Variants in TRAPPC9 observed in about 807,000 individuals in gnomAD.
The protein encoded by TRAPPC9 is trafficking protein particle complex subunit 9.
A neutral mutation model predicts 124.0 loss-of-function variants in TRAPPC9; 83 were observed. The observed-to-expected ratio is 0.67, with a 90% CI of 0.56 to 0.80. The LOEUF (loss-of-function observed/expected upper bound fraction) is 0.80, where lower values mean the gene tolerates loss of function less well. Ranked by LOEUF, TRAPPC9 falls within the 30% of genes least tolerant of loss-of-function variation. The pLI is 0.00. For synonymous variants in TRAPPC9, 638 were observed against 617.5 expected (o/e 1.03, Z -0.49); for missense variants, 1,302 against 1,508.3 (o/e 0.86, Z 2.27).
At chr8:140,017,654 G>C (rs1184323408) in intron 18 of TRAPPC9, among the ~76,000 whole-genome samples, 1 of 152,162 alleles carries the variant, frequency 6.6e-6, no homozygotes, top group African/African-American at 2.4e-5. Context: ...ATCATACAGT[G>C]TAAGTCCTCC....
At chr8:139,770,879 G>C (rs574321791) in intron 21 of TRAPPC9, among the ~76,000 whole-genome samples, 5 of 152,294 alleles carry the variant, frequency 3.3e-5, no homozygotes, top group Admixed American at 6.5e-5. Context: ...TTGAACAAAG[G>C]CTGGCCCTGC....
intron 13 of TRAPPC9, among the ~76,000 whole-genome samples, chr8:140,284,388 T>C (rs1418852549): frequency 1.3e-5 from 2 of 152,224 alleles, no homozygotes; most frequent in East Asian, 3.8e-4. Context: ...TAATATTCTT[T>C]CCCAGGACAT....
intron 19 of TRAPPC9, among the ~76,000 whole-genome samples, chr8:139,919,464 G>A (rs77410718): frequency 0.02 from 3,035 of 152,196 alleles, 107 homozygotes; most frequent in African/African-American, 0.068. Context: ...TCACTGAGCC[G>A]TACACTTCAA....
At chr8:140,412,539 C>A (rs2069742397) in intron 5 of TRAPPC9, among the ~76,000 whole-genome samples, 3 of 152,108 alleles carry the variant, frequency 2.0e-5, no homozygotes, top group Admixed American at 2.0e-4. Context: ...ATGTGAATGA[C>A]CTTGTCCTTA....
At chr8:139,899,571 C>T (rs1024041285) in intron 20 of TRAPPC9, among the ~76,000 whole-genome samples, 13 of 152,122 alleles carry the variant, frequency 8.5e-5, no homozygotes, top group African/African-American at 2.4e-4. Context: ...AGTGGACCCA[C>T]GTAGTTCACA....
At chr8:139,792,554 T>A (rs933064826) in intron 21 of TRAPPC9, among the ~76,000 whole-genome samples, 2 of 152,076 alleles carry the variant, frequency 1.3e-5, no homozygotes, top group South Asian at 2.1e-4. Context: ...CGCCTGGATG[T>A]GGGGCTGATG....
At chr8:140,174,780 T>C (rs2062029579) in intron 17 of TRAPPC9, among the ~76,000 whole-genome samples, 1 of 152,212 alleles carries the variant, frequency 6.6e-6, no homozygotes, top group Admixed American at 6.5e-5. Flanking sequence ...AATAATTCTA[T>C]TGCATTAATC....
chr8:140,260,912 G>A, intron 15 of TRAPPC9, among the ~76,000 whole-genome samples: 1 of 152,284 alleles, frequency 6.6e-6, no homozygotes, highest in South Asian at 2.1e-4. Context: ...TGAAGGTGAA[G>A]GGAGAGAGTA....
intron 15 of TRAPPC9, chr8:140,262,681 T>G (rs1416575052): frequency 6.7e-6 from 1 of 149,930 alleles, no homozygotes; most frequent in Admixed American, 6.7e-5. Context: ...TGCACATGTC[T>G]GCCTCCTACA....
At chr8:139,938,155 T>A (rs1833656323) in intron 19 of TRAPPC9, among the ~76,000 whole-genome samples, 3 of 152,192 alleles carry the variant, frequency 2.0e-5, no homozygotes, top group Admixed American at 2.0e-4. Context: ...CAGCAGCCTC[T>A]CTCCACCCAT....
At chr8:139,972,576 C>G (rs1323435645) in intron 19 of TRAPPC9, among the ~76,000 whole-genome samples, 4 of 152,124 alleles carry the variant, frequency 2.6e-5, no homozygotes, top group Non-Finnish European at 5.9e-5. Flanking sequence ...GGTTCAGACT[C>G]CCCAGACCAC....
intron 9 of TRAPPC9, among the ~76,000 whole-genome samples, chr8:140,350,988 A>T (rs1366113234): frequency 6.6e-6 from 1 of 151,880 alleles, no homozygotes; most frequent in Admixed American, 6.6e-5. Flanking sequence ...TCCAGAGGAG[A>T]TGACGGCAAA....
At chr8:139,882,131 T>C (rs1013474064) in intron 21 of TRAPPC9, among the ~76,000 whole-genome samples, 1 of 152,254 alleles carries the variant, frequency 6.6e-6, no homozygotes, top group African/African-American at 2.4e-5. Flanking sequence ...AATATCTGCA[T>C]AAAAGACTCT....
At chr8:140,106,137 A>G (rs1231951427) in intron 17 of TRAPPC9, among the ~76,000 whole-genome samples, 1 of 152,040 alleles carries the variant, frequency 6.6e-6, no homozygotes, top group Non-Finnish European at 1.5e-5. Flanking sequence ...CTTCAGAACA[A>G]AGGCAAGGTC....
At chr8:140,457,998 G>A (rs112677824), upstream of TRAPPC9, among the ~76,000 whole-genome samples, 476 of 124,614 alleles carry the variant, frequency 3.8e-3, 23 homozygotes, top group African/African-American at 0.014. Flanking sequence ...AAGCGGGGAC[G>A]GGGAGGGAGG....
intron 18 of TRAPPC9, among the ~76,000 whole-genome samples, chr8:140,015,485 T>G (rs934331199): frequency 6.6e-6 from 1 of 152,222 alleles, no homozygotes; most frequent in African/African-American, 2.4e-5. Context: ...CTAATTCTGT[T>G]GTGTTCCAGG....
At chr8:139,853,277 A>T (rs571548686) in intron 21 of TRAPPC9, among the ~76,000 whole-genome samples, 571 of 152,222 alleles carry the variant, frequency 3.8e-3, no homozygotes, top group Non-Finnish European at 6.1e-3. Context: ...CCAGTTTCCC[A>T]TTTGCAGTGT....
chr8:140,033,674 T>TGTTG (rs1840672721), intron 17 of TRAPPC9, among the ~76,000 whole-genome samples: 1 of 93,072 alleles, frequency 1.1e-5, no homozygotes, highest in Non-Finnish European at 2.2e-5. Context: ...TTTTTTTTTT[T>TGTTG]TTTTTTTTTT....
intron 17 of TRAPPC9, among the ~76,000 whole-genome samples, chr8:140,062,720 T>A (rs574147534): frequency 6.6e-6 from 1 of 152,198 alleles, no homozygotes; most frequent in African/African-American, 2.4e-5. Flanking sequence ...AAACCTAACC[T>A]TATTCACTGC....
Sources: allele counts gnomAD v4.1 joint callset (sites outside exome capture counted in the v4.1 genomes callset), GRCh38; gene constraint gnomAD v4.1.1; transcripts MANE v1.5; gene names NCBI Gene and HGNC (gene_info 2026-07-23, HGNC 2026-07-21).